HSPA6: variants seen among roughly 807,000 people sequenced by gnomAD.
HSPA6 encodes heat shock 70 kDa protein 6.
For missense variants in HSPA6, 718 were observed against 860.9 expected, an observed-to-expected ratio of 0.83 and a Z score of 2.08; for synonymous variants, 312 against 368.2, an observed-to-expected ratio of 0.85 and a Z score of 1.75.
In HSPA6 at chr1:161,525,423, G is replaced by C. The variant is rs1676651742; in HGVS notation, c.765G>C (p.Leu255=). 6.2e-7 allele frequency: 1 copy of C among 1,610,742 alleles called. No homozygotes were observed. The highest frequency in any genetic ancestry group is 1.3e-5 in the African/African-American group (1 of 74,842). ...TCCGGCGGAAGCATGGGAAGGACCT[G>C]AGCGGGAACAAGCGTGCCCTGCGCA... ...EEFRRKHGKD[L]SGNKRALRRL... The change falls in exon 1 of 1, where the codon CTG becomes CTC. Residue 255 remains leucine (L), a synonymous_variant. Coordinates refer to ENST00000309758, the MANE Select transcript of HSPA6 (RefSeq NM_002155.5).
Position 161,525,513 on chromosome 1 carries a change from G to A in HSPA6, c.855G>A (p.Glu285=), listed in dbSNP as rs773480012. ...TLSSSTQATL[E]IDSLFEGVDF... ...CCTCCAGCACCCAGGCCACCCTGGA[G>A]ATAGACTCCCTGTTCGAGGGCGTGG... The change falls in exon 1 of 1, where the codon GAG becomes GAA. Residue 285 remains glutamate (E), a synonymous_variant. Transcript: ENST00000309758. 5 of 1,613,592 alleles carry A rather than the reference G, an allele frequency of 3.1e-6. No individual in the cohort carries two copies. The East Asian group carries it at 1.1e-4, about 36-fold the overall frequency.
Position 161,526,383 on chromosome 1 carries a change from G to A in HSPA6, c.1725G>A (p.Lys575=). The part of the protein sequence containing the change: ...PEEDRRKMQD[K]CREVLAWLEH... ...AGGACAGGCGCAAAATGCAAGACAA[G>A]TGTCGGGAAGTCCTTGCCTGGCTGG... Residue 575 remains lysine (K), a synonymous_variant, in exon 1 of 1, where the codon AAG becomes AAA. Transcript: ENST00000309758. The A allele has an allele frequency of 2.5e-6, 4 of 1,599,192 alleles. No homozygotes were observed. The highest frequency in any genetic ancestry group is 3.4e-6 in the Non-Finnish European group (4 of 1,171,988).
In HSPA6 at chr1:161,526,366, C is replaced by T. The variant is rs140843448; in HGVS notation, c.1708C>T (p.Arg570Cys). 23 of 1,601,960 alleles carry T rather than the reference C, an allele frequency of 1.4e-5. No homozygotes were observed. The highest frequency in any genetic ancestry group is 2.7e-5 in the African/African-American group (2 of 74,674). ...LRDKIPEEDRRKMQDKCREVL... is the reference protein window; with the variant it reads ...LRDKIPEEDRCKMQDKCREVL... ...GGACAAGATTCCCGAAGAGGACAGG[C>T]GCAAAATGCAAGACAAGTGTCGGGA... Residue 570 changes from arginine to cysteine, a missense_variant, in exon 1 of 1, where the codon CGC (arginine) becomes TGC (cysteine). By Grantham distance (180) the Arg-to-Cys change is radical (BLOSUM62 -3). Transcript: ENST00000309758.
chr1:161,525,892 A>G lies in HSPA6; in HGVS notation c.1234A>G (p.Met412Val). The part of the protein sequence containing the change: ...SLGLETAGGV[M>V]TTLIQRNATI... ...GGGGCTGGAGACAGCAGGTGGGGTG[A>G]TGACCACGCTGATCCAGAGGAACGC... Residue 412 changes from methionine to valine, a missense_variant, in exon 1 of 1, where the codon ATG (methionine) becomes GTG (valine). Coordinates refer to ENST00000309758, the MANE Select transcript of HSPA6 (RefSeq NM_002155.5). 1 of 1,594,354 alleles carries G rather than the reference A, an allele frequency of 6.3e-7. No homozygotes were observed. Among genetic ancestry groups the G allele is most frequent in the Non-Finnish European group, 8.6e-7 (1 of 1,167,646 alleles).
rs751218715 is a variant in HSPA6 at position 161,525,375 on chromosome 1, C to T, written c.717C>T (p.Leu239=). 1.2e-6 allele frequency: 2 copies of T among 1,612,328 alleles called. No homozygotes were observed. The highest frequency in any genetic ancestry group is 1.7e-5 in the Admixed American group (1 of 59,602). Reference sequence around the variant, plus strand: ...GAGGAGAGGACTTCGACAACCGGCTCGTGAACCACTTCATGGAAGAATTCC... The same window carrying T: ...GAGGAGAGGACTTCGACAACCGGCTTGTGAACCACTTCATGGAAGAATTCC... The part of the protein sequence containing the change: ...HLGGEDFDNR[L]VNHFMEEFRR... Residue 239 remains leucine (L), a synonymous_variant, in exon 1 of 1, where the codon CTC becomes CTT. Coordinates refer to ENST00000309758, the MANE Select transcript of HSPA6 (RefSeq NM_002155.5).
Position 161,525,556 on chromosome 1 carries a change from A to G in HSPA6, c.898A>G (p.Thr300Ala). ...FEGVDFYTSITRARFEELCSD... is the reference protein window; with the variant it reads ...FEGVDFYTSIARARFEELCSD... Reference sequence around the variant, plus strand: ...GGGCGTGGACTTCTACACGTCCATCACTCGTGCCCGCTTTGAGGAACTGTG... The same window carrying G: ...GGGCGTGGACTTCTACACGTCCATCGCTCGTGCCCGCTTTGAGGAACTGTG... Residue 300 changes from threonine to alanine, a missense_variant, in exon 1 of 1, where the codon ACT becomes GCT. Physicochemically the swap from Thr to Ala is moderately conservative, Grantham distance 58. Coordinates refer to ENST00000309758, the MANE Select transcript of HSPA6 (RefSeq NM_002155.5). 6.2e-7 allele frequency: 1 copy of G among 1,613,458 alleles called. No homozygotes were observed. The highest frequency in any genetic ancestry group is 8.5e-7 in the Non-Finnish European group (1 of 1,179,690).
Position 161,526,092 on chromosome 1 carries a change from G to C in HSPA6, c.1434G>C (p.Val478=). 6.2e-7 allele frequency: 1 copy of C among 1,613,796 alleles called. No individual in the cohort carries two copies. Among genetic ancestry groups the C allele is most frequent in the Non-Finnish European group, 8.5e-7 (1 of 1,179,874 alleles). Residue 478 remains valine, a synonymous_variant, in exon 1 of 1, where the codon GTG becomes GTC. Transcript: ENST00000309758. ...PAPRGVPQIE[V]TFDIDANGIL... The stretch of plus-strand genomic sequence containing the variant: ...CACGTGGAGTCCCCCAGATAGAGGT[G>C]ACTTTTGACATTGATGCTAATGGCA...
chr1:161,524,844 C>T lies in HSPA6; in HGVS notation c.186C>T (p.Ala62=), dbSNP rs781596208. ...LVGDAAKSQA[A]LNPHNTVFDA... is the part of the protein sequence containing the mutation. Reference sequence around the variant, plus strand: ...GGGACGCGGCCAAGAGCCAGGCGGCCCTGAACCCCCACAACACCGTGTTCG... The same window carrying T: ...GGGACGCGGCCAAGAGCCAGGCGGCTCTGAACCCCCACAACACCGTGTTCG... Residue 62 remains alanine (A), a synonymous_variant, in exon 1 of 1, where the codon GCC becomes GCT. Transcript: ENST00000309758. 2 of 1,610,510 alleles carry T rather than the reference C, an allele frequency of 1.2e-6. No homozygotes were observed. Among genetic ancestry groups the T allele is most frequent in the Admixed American group, 1.7e-5 (1 of 59,858 alleles).
In HSPA6 at chr1:161,526,144, A is replaced by G. The variant is rs1439045672; in HGVS notation, c.1486A>G (p.Ser496Gly). ...CCTGAGCGTGACAGCCACTGACAGG[A>G]GCACAGGTAAGGCTAACAAGATCAC... is the stretch of plus-strand genomic sequence containing the variant. ...GILSVTATDR[S>G]TGKANKITIT... The change falls in exon 1 of 1, where the codon AGC (serine) becomes GGC (glycine). Residue 496 changes from serine to glycine, a missense_variant. Coordinates refer to ENST00000309758, the MANE Select transcript of HSPA6 (RefSeq NM_002155.5). 3.1e-6 allele frequency: 5 copies of G among 1,613,742 alleles called. 1 individual carries two copies. In the South Asian group the frequency reaches 5.5e-5, roughly 18 times the overall value.
rs1676647045 is a variant in HSPA6, at chr1:161,525,267, T to C, written c.609T>C (p.Gly203=). 2 of 1,613,962 alleles carry C rather than the reference T, an allele frequency of 1.2e-6. No homozygotes were observed. The highest frequency in any genetic ancestry group is 1.7e-6 in the Non-Finnish European group (2 of 1,179,930). Reference sequence around the variant, plus strand: ...GCAACGTGCTCATTTTTGACCTGGGTGGGGGCACCTTCGATGTGTCGGTTC... The same window carrying C: ...GCAACGTGCTCATTTTTGACCTGGGCGGGGGCACCTTCGATGTGTCGGTTC... ...GERNVLIFDL[G]GGTFDVSVLS... Residue 203 remains glycine (G), a synonymous_variant, in exon 1 of 1, where the codon GGT becomes GGC. Transcript: ENST00000309758.
At position 161,525,489 on chromosome 1, in the gene HSPA6, C is replaced by T; in HGVS notation, c.831C>T (p.Ser277=). ...TACERAKRTL[S]SSTQATLEID... Reference sequence around the variant, plus strand: ...GTGAGCGCGCCAAGCGCACCCTGTCCTCCAGCACCCAGGCCACCCTGGAGA... The same window carrying T: ...GTGAGCGCGCCAAGCGCACCCTGTCTTCCAGCACCCAGGCCACCCTGGAGA... The change falls in exon 1 of 1, where the codon TCC becomes TCT. Residue 277 remains serine, a synonymous_variant. Transcript: ENST00000309758. The T allele has an allele frequency of 6.2e-7, 1 of 1,613,564 alleles. No individual in the cohort carries two copies. The highest frequency in any genetic ancestry group is 1.1e-5 in the South Asian group (1 of 91,026).
chr1:161,525,184 A>G lies in HSPA6; in HGVS notation c.526A>G (p.Asn176Asp), dbSNP rs763396226. 1 of 1,613,910 alleles carries G rather than the reference A, an allele frequency of 6.2e-7. No homozygotes were observed. Among genetic ancestry groups the G allele is most frequent in the Non-Finnish European group, 8.5e-7 (1 of 1,179,948 alleles). ...IAGLNVLRII[N>D]EPTAAAIAYG... ...GGGGCTCAACGTGTTGCGGATCATC[A>G]ATGAGCCCACGGCAGCTGCCATCGC... Residue 176 changes from asparagine to aspartate, a missense_variant, in exon 1 of 1, where the codon AAT becomes GAT. By Grantham distance (23) the Asn-to-Asp change is conservative. Transcript: ENST00000309758.
In HSPA6 at chr1:161,525,349, G is replaced by A; in HGVS notation, c.691G>A (p.Gly231Arg). ...VKATAGDTHL[G>R]GEDFDNRLVN... The stretch of plus-strand genomic sequence containing the variant: ...AGCCACTGCTGGAGATACCCACCTG[G>A]GAGGAGAGGACTTCGACAACCGGCT... Residue 231 changes from glycine to arginine, a missense_variant, in exon 1 of 1, where the codon GGA becomes AGA. Transcript: ENST00000309758. 6.2e-7 allele frequency: 1 copy of A among 1,613,704 alleles called. No homozygotes were observed. The highest frequency in any genetic ancestry group is 8.5e-7 in the Non-Finnish European group (1 of 1,179,814).
At position 161,525,048 on chromosome 1, in the gene HSPA6, G is replaced by C. The variant is rs1676635795; in HGVS notation, c.390G>C (p.Lys130Asn). 6.2e-7 allele frequency: 1 copy of C among 1,612,998 alleles called. No individual in the cohort carries two copies. The highest frequency in any genetic ancestry group is 8.5e-7 in the Non-Finnish European group (1 of 1,179,810). ...CGTCCATGGTGCTGAGCAAGATGAA[G>C]GAGACGGCCGAGGCGTACCTGGGCC... Reference protein sequence around the residue: ...EISSMVLSKMKETAEAYLGQP... With the variant: ...EISSMVLSKMNETAEAYLGQP... The change falls in exon 1 of 1, where the codon AAG becomes AAC. Residue 130 changes from lysine (K) to asparagine (N), a missense_variant. Transcript: ENST00000309758.
In HSPA6 at chr1:161,524,579, A is replaced by C; in HGVS notation, c.-80A>C. 7.4e-7 allele frequency: 1 copy of C among 1,349,408 alleles called. No homozygotes were observed. The highest frequency in any genetic ancestry group is 2.5e-5 in the East Asian group (1 of 40,462). 83.6% of individuals were successfully genotyped at this position (1,349,408 alleles called of 1,614,324 possible). On this transcript the variant is annotated 5_prime_UTR_variant, in exon 1 of 1. Transcript: ENST00000309758. ...CTGGCTGCAGAGAAACCGCAGGGAG[A>C]GCCTCACTGCTGAGCGCCCCTCGAC...
Position 161,525,541 on chromosome 1 carries a change from T to A in HSPA6, c.883T>A (p.Phe295Ile). The change falls in exon 1 of 1, where the codon TTC becomes ATC. Residue 295 changes from phenylalanine to isoleucine, a missense_variant. By Grantham distance (21) the Phe-to-Ile change is conservative (BLOSUM62 0). Transcript: ENST00000309758. ...AGACTCCCTGTTCGAGGGCGTGGAC[T>A]TCTACACGTCCATCACTCGTGCCCG... ...EIDSLFEGVD[F>I]YTSITRARFE... 6.2e-7 allele frequency: 1 copy of A among 1,613,588 alleles called. No individual in the cohort carries two copies. The highest frequency in any genetic ancestry group is 8.5e-7 in the Non-Finnish European group (1 of 1,179,746).
In HSPA6 at chr1:161,525,948, C is replaced by T; in HGVS notation, c.1290C>T (p.Phe430=). ...ATIPTKQTQT[F]TTYSDNQPGV... is the part of the protein sequence containing the mutation. ...TCCCCACCAAGCAGACCCAGACTTT[C>T]ACCACCTACTCGGACAACCAGCCTG... The change falls in exon 1 of 1, where the codon TTC becomes TTT. Residue 430 remains phenylalanine, a synonymous_variant. Coordinates refer to ENST00000309758, the MANE Select transcript of HSPA6 (RefSeq NM_002155.5). 2 of 1,613,230 alleles carry T rather than the reference C, an allele frequency of 1.2e-6. No individual in the cohort carries two copies. Among genetic ancestry groups the T allele is most frequent in the African/African-American group, 1.3e-5 (1 of 74,904 alleles).
rs1676713600 is a variant in HSPA6 at position 161,526,689 on chromosome 1, T to G, written c.*99T>G. On this transcript the variant is annotated 3_prime_UTR_variant, in exon 1 of 1. Transcript: ENST00000309758. ...CTGCCCTTCAGAGATGAACTTTCCC[T>G]CCAAAGCTAGAACTTTCTTCCCAGG... The G allele has an allele frequency of 1.5e-6, 2 of 1,301,132 alleles. No homozygotes were observed. Among genetic ancestry groups the G allele is most frequent in the Non-Finnish European group, 2.0e-6 (2 of 981,588 alleles). The allele number at this position is 1,301,132 out of a possible 1,614,324, so 80.6% of individuals were successfully genotyped here.
Position 161,525,794 on chromosome 1 carries a change from C to T in HSPA6, c.1136C>T (p.Ala379Val). ...EAVAYGAAVQ[A>V]AVLMGDKCEK... is the part of the protein sequence containing the mutation. ...GTGGCCTATGGGGCTGCTGTGCAGG[C>T]GGCCGTGTTGATGGGGGACAAATGT... Residue 379 changes from alanine (A) to valine (V), a missense_variant, in exon 1 of 1, where the codon GCG (alanine) becomes GTG (valine). Transcript: ENST00000309758. 1.9e-6 allele frequency: 3 copies of T among 1,600,780 alleles called. No homozygotes were observed. Among genetic ancestry groups the T allele is most frequent in the East Asian group, 2.2e-5 (1 of 44,544 alleles).
Sources: gnomAD v4.1 joint callset for allele counts on GRCh38, gnomAD v4.1.1 for gene constraint, MANE v1.5 for transcripts, NCBI Gene and HGNC (gene_info 2026-07-23, HGNC 2026-07-21) for gene names.